The following CNTLN variants were observed in gnomAD, a reference collection of about 807,000 sequenced individuals.
CNTLN encodes the protein centlein.
CNTLN carries 212 observed loss-of-function variants against 180.0 expected under a neutral mutation model. That is an observed-to-expected ratio of 1.18 (90% CI 1.05 to 1.32). The LOEUF (loss-of-function observed/expected upper bound fraction) is 1.32. Ranked by LOEUF, CNTLN falls within the 40% of genes most tolerant of loss-of-function variation. The pLI is 0.00. For synonymous variants in CNTLN, 722 were observed against 563.1 expected (o/e 1.28, Z -3.99); for missense variants, 2,095 against 1,610.9 (o/e 1.30, Z -5.14).
At chr9:17,377,433 T>A (rs1365382071) in intron 13 of CNTLN, among the ~76,000 whole-genome samples, 2 of 152,040 alleles carry the variant, frequency 1.3e-5, no homozygotes, top group Non-Finnish European at 2.9e-5. Flanking sequence ...CCCAGCTACC[T>A]GGTAGGCTGA....
chr9:17,342,819 C>A (rs1181089736), intron 12 of CNTLN, among the ~76,000 whole-genome samples: 2 of 152,182 alleles, frequency 1.3e-5, no homozygotes, highest in African/African-American at 4.8e-5. Context: ...GATACATACG[C>A]AATGCAGAAT....
intron 6 of CNTLN, among the ~76,000 whole-genome samples, chr9:17,295,362 T>C (rs1034260383): frequency 2.0e-5 from 3 of 152,196 alleles, no homozygotes; most frequent in South Asian, 2.1e-4. Context: ...GAGCCACGAC[T>C]GCGAGGGCTG....
chr9:17,487,987 A>G (rs1237490116), intron 25 of CNTLN, among the ~76,000 whole-genome samples: 1 of 152,166 alleles, frequency 6.6e-6, no homozygotes, highest in South Asian at 2.1e-4. Flanking sequence ...TGGAATAAAT[A>G]AAAGCCAAAA....
At chr9:17,352,038 G>C (rs1229880236) in intron 12 of CNTLN, among the ~76,000 whole-genome samples, 1 of 152,076 alleles carries the variant, frequency 6.6e-6, no homozygotes, top group East Asian at 1.9e-4. Flanking sequence ...AGTTGAGCTG[G>C]AGTCAGTAGT....
rs972429319 is a variant in CNTLN, at chr9:17,180,450, TTCTC to T, written c.449+37078_449+37081del. ...TAAGTGACATTTATAATAGAAACCT[TTCTC>T]TCTATTTTCCTTTTCTTTCCCCTAT... On this transcript the variant is annotated intron_variant, in intron 2 of 25. Transcript: ENST00000380647. Among the ~76,000 whole-genome samples, 9 of 150,866 alleles carry T rather than the reference TTCTC, an allele frequency of 6.0e-5. No individual in the cohort carries two copies. In the South Asian group the frequency reaches 8.3e-4, roughly 14 times the overall value.
At position 17,403,128 on chromosome 9, in the gene CNTLN, G is replaced by T. The variant is rs151090869; in HGVS notation, c.2616-6165G>T. Among the ~76,000 whole-genome samples, 55 of 151,836 alleles carry T rather than the reference G, an allele frequency of 3.6e-4. 1 individual carries two copies. The highest frequency in any genetic ancestry group is 1.1e-3 in the African/African-American group (45 of 41,192). On this transcript the variant is annotated intron_variant, in intron 15 of 25. Coordinates refer to ENST00000380647, the MANE Select transcript of CNTLN (RefSeq NM_017738.4). ...TGGGAAGGTTGGTGGAAGATTGGTGGCAGGAAGGTCTGTGGGGAGGTTCGT... is the reference window on the plus strand; with the variant it reads ...TGGGAAGGTTGGTGGAAGATTGGTGTCAGGAAGGTCTGTGGGGAGGTTCGT...
chr9:17,357,707 G>A (rs1047081168), intron 12 of CNTLN, among the ~76,000 whole-genome samples: 12 of 150,144 alleles, frequency 8.0e-5, no homozygotes, highest in African/African-American at 2.9e-4. Flanking sequence ...TCTGTGAAAA[G>A]ACAGCAAAGT....
intron 2 of CNTLN, among the ~76,000 whole-genome samples, chr9:17,146,019 A>G (rs1354420857): frequency 6.6e-6 from 1 of 152,176 alleles, no homozygotes; most frequent in African/African-American, 2.4e-5. Flanking sequence ...GGAGCCCATC[A>G]GTGTGATTCT....
intron 10 of CNTLN, among the ~76,000 whole-genome samples, chr9:17,338,345 T>G (rs1171747855): frequency 6.9e-6 from 1 of 144,402 alleles, no homozygotes; most frequent in South Asian, 2.2e-4. Context: ...TTGTTTTTTT[T>G]TTTTTTTTTT....
chr9:17,485,459 G>A (rs542473504), intron 24 of CNTLN, among the ~76,000 whole-genome samples: 1 of 152,238 alleles, frequency 6.6e-6, no homozygotes, highest in African/African-American at 2.4e-5. Context: ...ATGCCAAAAC[G>A]TCTGCGACTT....
rs148125755 is a variant in CNTLN at position 17,149,147 on chromosome 9, T to G, written c.449+5771T>G. On this transcript the variant is annotated intron_variant, in intron 2 of 25. Coordinates refer to ENST00000380647, the MANE Select transcript of CNTLN (RefSeq NM_017738.4). ...CCATGTCCCTGCAAAGGACATAAACTCATCCTTTTTTATGTCTGCATAGTA... is the reference window on the plus strand; with the variant it reads ...CCATGTCCCTGCAAAGGACATAAACGCATCCTTTTTTATGTCTGCATAGTA... Among the ~76,000 whole-genome samples the G allele has an allele frequency of 3.0e-3, 456 of 152,320 alleles. 5 individuals carry two copies. The highest frequency in any genetic ancestry group is 0.01 in the African/African-American group (435 of 41,564).
intron 5 of CNTLN, among the ~76,000 whole-genome samples, chr9:17,241,219 T>C (rs1825471078): frequency 6.6e-6 from 1 of 152,148 alleles, no homozygotes; most frequent in Middle Eastern, 3.2e-3. Context: ...TTTAATCCAT[T>C]GTGATTTGAA....
At chr9:17,429,966 A>C (rs1443005178) in intron 18 of CNTLN, among the ~76,000 whole-genome samples, 1 of 152,000 alleles carries the variant, frequency 6.6e-6, no homozygotes, top group Non-Finnish European at 1.5e-5. Flanking sequence ...TTGGCAAAAA[A>C]TTTCAACTTC....
intron 18 of CNTLN, among the ~76,000 whole-genome samples, chr9:17,417,019 G>A (rs1036493837): frequency 2.6e-5 from 4 of 152,086 alleles, no homozygotes; most frequent in African/African-American, 4.8e-5. Flanking sequence ...AAGGATTAGT[G>A]TTATGCCATT....
chr9:17,322,316 G>A (rs993202619), intron 8 of CNTLN, among the ~76,000 whole-genome samples: 60 of 152,042 alleles, frequency 3.9e-4, no homozygotes, highest in African/African-American at 1.3e-3. Flanking sequence ...TCTTTTGTAA[G>A]TCTTAACTAT....
chr9:17,445,777 C>A (rs1365535919), intron 18 of CNTLN, among the ~76,000 whole-genome samples: 2 of 151,090 alleles, frequency 1.3e-5, no homozygotes. Context: ...GCCCGACACC[C>A]GTAAAGGGTC....
chr9:17,388,053 G>T, intron 13 of CNTLN, 109 bp from the exon 14 acceptor site: 1 of 569,968 alleles, frequency 1.8e-6, no homozygotes. Context: ...CAAGAAAATA[G>T]CCTAGATTAT....
At chr9:17,160,791 A>C (rs988508663) in intron 2 of CNTLN, among the ~76,000 whole-genome samples, 2 of 152,210 alleles carry the variant, frequency 1.3e-5, no homozygotes, top group Non-Finnish European at 2.9e-5. Flanking sequence ...TTAAGCTTGG[A>C]TGCCTAGAGG....
At chr9:17,421,984 G>GT (rs1171974462) in intron 18 of CNTLN, among the ~76,000 whole-genome samples, 1 of 152,020 alleles carries the variant, frequency 6.6e-6, no homozygotes, top group Non-Finnish European at 1.5e-5. Context: ...TTACCAGTGA[G>GT]TTTTTTTACC....
Sources: allele counts gnomAD v4.1 joint callset (sites outside exome capture counted in the v4.1 genomes callset), GRCh38; gene constraint gnomAD v4.1.1; transcripts MANE v1.5; gene names NCBI Gene and HGNC (gene_info 2026-07-23, HGNC 2026-07-21).